Variants in DAB1 observed in about 807,000 individuals in gnomAD.
DAB1 encodes the protein DAB adaptor protein 1, also known as disabled homolog 1.
In DAB1, 15 loss-of-function variants were observed where a neutral mutation model predicts 64.6. The observed-to-expected ratio is 0.23, with a 90% CI of 0.16 to 0.36. The LOEUF (loss-of-function observed/expected upper bound fraction) is 0.36, where lower values mean the gene tolerates loss of function less well. DAB1 is among the 10% of genes least tolerant of loss of function. The probability of loss-of-function intolerance (pLI) is 1.00; values close to 1 mark genes in which losing one functional copy is unlikely to be tolerated. For missense variants in DAB1, 596 were observed against 706.7 expected (o/e 0.84, Z 1.78); for synonymous variants, 235 against 251.9 (o/e 0.93, Z 0.64).
At chr1:57,965,026 A>G (rs1645624480) in intron 5 of DAB1, among the ~76,000 whole-genome samples, 1 of 79,860 alleles carries the variant, frequency 1.3e-5, no homozygotes, top group Non-Finnish European at 3.9e-5. Context: ...TGAGAATTCC[A>G]ATGTATGAAG....
At chr1:58,120,431 C>G (rs933765361) in intron 5 of DAB1, among the ~76,000 whole-genome samples, 2 of 152,110 alleles carry the variant, frequency 1.3e-5, no homozygotes, top group African/African-American at 4.8e-5. Flanking sequence ...ATTCTATTCT[C>G]AGTTAGGGGA....
chr1:57,201,554 T>C (rs1476173446), intron 2 of DAB1, among the ~76,000 whole-genome samples: 4 of 152,020 alleles, frequency 2.6e-5, no homozygotes, highest in African/African-American at 9.7e-5. Flanking sequence ...AGGGCCCTAT[T>C]TACGATTTGA....
chr1:58,174,816 G>A (rs1466956504), intron 4 of DAB1, among the ~76,000 whole-genome samples: 2 of 151,902 alleles, frequency 1.3e-5, no homozygotes, highest in East Asian at 3.9e-4. Context: ...TCTAGCTAAA[G>A]GATTGTAAAT....
intron 1 of DAB1, among the ~76,000 whole-genome samples, chr1:57,304,213 G>C (rs1673937811): frequency 1.3e-5 from 2 of 152,086 alleles, no homozygotes; most frequent in African/African-American, 4.8e-5. Flanking sequence ...GAGAAGGTGG[G>C]GGAGGTGCCT....
At chr1:57,916,813 C>G (rs1644733648) in intron 5 of DAB1, among the ~76,000 whole-genome samples, 1 of 152,088 alleles carries the variant, frequency 6.6e-6, no homozygotes. Flanking sequence ...CATGGTCACG[C>G]ACGCCTGTAA....
chr1:57,230,597 T>TGAGA (rs1286867319), intron 2 of DAB1, among the ~76,000 whole-genome samples: 1 of 152,146 alleles, frequency 6.6e-6, no homozygotes, highest in Non-Finnish European at 1.5e-5. Flanking sequence ...CCACGGTTCA[T>TGAGA]GTCACAACTT....
intron 3 of DAB1, among the ~76,000 whole-genome samples, chr1:58,483,813 G>A (rs1048236035): frequency 2.6e-5 from 4 of 152,172 alleles, no homozygotes; most frequent in South Asian, 2.1e-4. Context: ...TGGGACGTAC[G>A]GTCACTCTTG....
At chr1:58,180,564 G>A (rs1186483054) in intron 4 of DAB1, among the ~76,000 whole-genome samples, 2 of 151,752 alleles carry the variant, frequency 1.3e-5, no homozygotes, top group Non-Finnish European at 2.9e-5. Flanking sequence ...CGAAGTGCTG[G>A]GATTACAGGG....
chr1:57,249,593 A>G (rs866929997), intron 2 of DAB1, among the ~76,000 whole-genome samples: 14 of 152,094 alleles, frequency 9.2e-5, no homozygotes, highest in African/African-American at 3.4e-4. Flanking sequence ...GCTGGTCTCA[A>G]ACTCCTGAGC....
intron 3 of DAB1, among the ~76,000 whole-genome samples, chr1:58,447,856 A>AC (rs374518247): frequency 0.53 from 46,294 of 87,980 alleles, 8,658 homozygotes; most frequent in South Asian, 0.7. Flanking sequence ...AATGACTTAA[A>AC]CAAAAAAAAA....
In DAB1 at chr1:57,472,703, C is replaced by T. The variant is rs567133912; in HGVS notation, n.625+176889G>A. Among the ~76,000 whole-genome samples, 561 of 152,272 alleles carry T rather than the reference C, an allele frequency of 3.7e-3. 8 individuals are homozygous for T. The highest frequency in any genetic ancestry group is 0.012 in the African/African-American group (485 of 41,552). On this transcript the variant is annotated intron_variant and non_coding_transcript_variant, in intron 7 of 20. Transcript: ENST00000485760. ...GCCCTTAAAAAGGACAGGAATTGCT[C>T]ACCCAGGGAGCTTGGCTCTTGAGAC...
chr1:58,392,227 C>T (rs577247763), intron 3 of DAB1, among the ~76,000 whole-genome samples: 6 of 152,158 alleles, frequency 3.9e-5, no homozygotes, highest in African/African-American at 1.4e-4. Context: ...CTACAAAAAC[C>T]AAAACAAGCT....
chr1:57,317,629 C>T (rs1408135619), intron 1 of DAB1, among the ~76,000 whole-genome samples: 3 of 152,080 alleles, frequency 2.0e-5, no homozygotes, highest in Admixed American at 6.5e-5. Context: ...TTGAACACTA[C>T]GTTACTCAAA....
chr1:57,986,912 G>T (rs769169516), intron 5 of DAB1, among the ~76,000 whole-genome samples: 1 of 152,172 alleles, frequency 6.6e-6, no homozygotes, highest in Non-Finnish European at 1.5e-5. Flanking sequence ...AAATCCACAT[G>T]AGATAGTTAC....
At chr1:58,170,844 C>T (rs566106750) in intron 4 of DAB1, among the ~76,000 whole-genome samples, 134 of 150,230 alleles carry the variant, frequency 8.9e-4, no homozygotes, top group African/African-American at 3.2e-3. Flanking sequence ...TGAGGATGCC[C>T]GGGGCAAGTG....
intron 6 of DAB1, among the ~76,000 whole-genome samples, chr1:57,702,647 G>A (rs1044930279): frequency 5.9e-5 from 9 of 152,112 alleles, no homozygotes; most frequent in South Asian, 4.2e-4. Flanking sequence ...TAGTCATTTC[G>A]GTATCATCAG....
chr1:57,114,332 A>T (rs1485725767), intron 4 of DAB1, among the ~76,000 whole-genome samples: 1 of 152,204 alleles, frequency 6.6e-6, no homozygotes, highest in African/African-American at 2.4e-5. Context: ...TCTTTGCTGT[A>T]TCTTCAAGTT....
chr1:58,304,950 A>C (rs952902162), intron 4 of DAB1, among the ~76,000 whole-genome samples: 37 of 152,308 alleles, frequency 2.4e-4, no homozygotes, highest in African/African-American at 8.7e-4. Context: ...AACACTAAAA[A>C]AAACAGGTGT....
chr1:57,940,716 C>G (rs540701551), intron 5 of DAB1, among the ~76,000 whole-genome samples: 7 of 152,304 alleles, frequency 4.6e-5, no homozygotes, highest in Admixed American at 3.9e-4. Context: ...AATGCTTTTC[C>G]CCACACTATG....
Sources: allele counts gnomAD v4.1 joint callset (sites outside exome capture counted in the v4.1 genomes callset), GRCh38; gene constraint gnomAD v4.1.1; transcripts MANE v1.5; gene names NCBI Gene and HGNC (gene_info 2026-07-23, HGNC 2026-07-21).